Variants in C6orf58 observed in about 807,000 individuals in gnomAD.
C6orf58 encodes the protein chromosome 6 open reading frame 58.
A neutral mutation model predicts 37.0 loss-of-function variants in C6orf58; 30 were observed. That is an observed-to-expected ratio of 0.81 (90% CI 0.61 to 1.10). The LOEUF (loss-of-function observed/expected upper bound fraction) is 1.10. C6orf58 is among the 50% of genes least tolerant of loss of function. The pLI, the probability that C6orf58 is intolerant of heterozygous loss-of-function variation, is 0.00. For synonymous variants in C6orf58, 143 were observed against 134.1 expected (o/e 1.07, Z -0.46); for missense variants, 368 against 387.5 (o/e 0.95, Z 0.42).
chr6:127,591,439 A>G (rs1005407308), intron 5 of C6orf58, 104 bp from the exon 6 acceptor site: 4 of 1,025,848 alleles, frequency 3.9e-6, no homozygotes, highest in East Asian at 6.8e-5. Flanking sequence ...TTACCATTAA[A>G]TTAGTAGAAA....
intron 4 of C6orf58, among the ~76,000 whole-genome samples, chr6:127,586,377 G>A (rs564944974): frequency 1.3e-5 from 2 of 152,206 alleles, no homozygotes; most frequent in Non-Finnish European, 2.9e-5. Context: ...AGTCCTGCTA[G>A]CAGGTTTCCT....
intron 4 of C6orf58, among the ~76,000 whole-genome samples, chr6:127,588,275 T>A (rs559202064): frequency 8.0e-4 from 122 of 152,328 alleles, no homozygotes; most frequent in African/African-American, 2.8e-3. Context: ...AATATTGTAT[T>A]TTTTAAGTCA....
intron 4 of C6orf58, among the ~76,000 whole-genome samples, chr6:127,585,974 C>A (rs1047424150): frequency 6.6e-6 from 1 of 152,134 alleles, no homozygotes; most frequent in Admixed American, 6.5e-5. Flanking sequence ...ACCAAAAGCA[C>A]ATTTTACCTG....
chr6:127,591,488 G>A (rs1443750343), intron 5 of C6orf58, 55 bp from the exon 6 acceptor site: 2 of 1,428,402 alleles, frequency 1.4e-6, no homozygotes, highest in East Asian at 2.7e-5. Context: ...ATTGCCAAAA[G>A]GTACTTTAAA....
rs1392376436 is a variant in C6orf58 at position 127,577,455 on chromosome 6, G to T, written c.270G>T (p.Leu90Phe). The T allele has an allele frequency of 1.2e-6, 2 of 1,613,638 alleles. No individual in the cohort carries two copies. Among genetic ancestry groups the T allele is most frequent in the East Asian group, 4.5e-5 (2 of 44,880 alleles). ...ATGAACAGAATATTTTATGGGGGTTGCCTCTGCAGTATGGCTGGCAATATA... is the reference window on the plus strand; with the variant it reads ...ATGAACAGAATATTTTATGGGGGTTTCCTCTGCAGTATGGCTGGCAATATA... The part of the protein sequence containing the change: ...PDNEQNILWG[L>F]PLQYGWQYRT... The change falls in exon 1 of 6, where the codon TTG becomes TTT. Residue 90 changes from leucine to phenylalanine, a missense_variant. Physicochemically the swap from Leu to Phe is conservative, Grantham distance 22. Coordinates refer to ENST00000329722, the MANE Select transcript of C6orf58 (RefSeq NM_001010905.3).
intron 4 of C6orf58, among the ~76,000 whole-genome samples, chr6:127,582,710 C>A (rs1466149011): frequency 6.6e-6 from 1 of 152,150 alleles, no homozygotes; most frequent in Admixed American, 6.6e-5. Context: ...AGAATTCATA[C>A]CTGCTGGTAA....
At chr6:127,580,129 A>G (rs1322799805) in intron 2 of C6orf58, 136 bp from the exon 3 acceptor site, 1 of 597,982 alleles carries the variant, frequency 1.7e-6, no homozygotes, top group Non-Finnish European at 2.9e-6. Flanking sequence ...TTTTTGTTCA[A>G]TATTTTTTTC....
Position 127,591,360 on chromosome 6 carries a change from C to A in C6orf58, c.914-183C>A, listed in dbSNP as rs890146389. On this transcript the variant is annotated intron_variant, in intron 5 of 5. Coordinates refer to ENST00000329722, the MANE Select transcript of C6orf58 (RefSeq NM_001010905.3). ...AGTAAAGTTGGTAAGTCAGGTATTG[C>A]CAAATGGTATTGCCAATAATTCTAT... Among the ~76,000 whole-genome samples, 10 of 151,966 alleles carry A rather than the reference C, an allele frequency of 6.6e-5. No homozygotes were observed. In the East Asian group the frequency reaches 7.7e-4, roughly 12 times the overall value.
At chr6:127,578,662 G>T (rs747324112) in intron 1 of C6orf58, 24 bp from the exon 2 acceptor site, 1 of 1,560,452 alleles carries the variant, frequency 6.4e-7, no homozygotes. Context: ...TAATAAATAC[G>T]ACTGTGCATC....
At chr6:127,580,507 G>A (rs539796006) in intron 3 of C6orf58, 58 bp downstream of exon 3, 27 of 1,405,586 alleles carry the variant, frequency 1.9e-5, no homozygotes, top group Admixed American at 3.9e-5. Context: ...ATATAATTTC[G>A]TCTAGGATTT....
rs199904955 is a variant in C6orf58, at chr6:127,581,240, A to C, written c.632A>C (p.His211Pro). The C allele has an allele frequency of 6.5e-7, 1 of 1,539,810 alleles. No homozygotes were observed. Among genetic ancestry groups the C allele is most frequent in the Non-Finnish European group, 8.8e-7 (1 of 1,139,398 alleles). The change falls in exon 4 of 6, where the codon CAC becomes CCC. Residue 211 changes from histidine to proline, a missense_variant. By Grantham distance (77) the His-to-Pro change is moderately conservative. Coordinates refer to ENST00000329722, the MANE Select transcript of C6orf58 (RefSeq NM_001010905.3). ...DDLLKYLWAA[H>P]TSTLADNIKS... ...CTGTTGAAGTACTTATGGGCTGCAC[A>C]CACTTCAACCTTGGCAGATAATATC...
chr6:127,587,069 C>T (rs924672154), intron 4 of C6orf58, among the ~76,000 whole-genome samples: 1 of 152,134 alleles, frequency 6.6e-6, no homozygotes. Flanking sequence ...CTATTTTCCT[C>T]TCTGTTTACT....
Position 127,580,366 on chromosome 6 carries a change from A to G in C6orf58, c.490A>G (p.Asn164Asp), listed in dbSNP as rs1280293153. The change falls in exon 3 of 6, where the codon AAT (asparagine) becomes GAT (aspartate). Residue 164 changes from asparagine (N) to aspartate (D), a missense_variant. Physicochemically the swap from Asn to Asp is conservative, Grantham distance 23. Transcript: ENST00000329722. ...AGTCAGGCTTTTGCCCCCACCCAAG[A>G]ATGAGAGGAAGTTTTGTTATGATGT... ...DQVRLLPPPK[N>D]ERKFCYDVSS... 1 of 1,613,082 alleles carries G rather than the reference A, an allele frequency of 6.2e-7. No individual in the cohort carries two copies. Among genetic ancestry groups the G allele is most frequent in the South Asian group, 1.1e-5 (1 of 91,032 alleles).
At chr6:127,586,670 A>G (rs1270882012) in intron 4 of C6orf58, among the ~76,000 whole-genome samples, 2 of 151,008 alleles carry the variant, frequency 1.3e-5, no homozygotes, top group Non-Finnish European at 3.0e-5. Flanking sequence ...TCTTGAGCTC[A>G]CCCAGTTTCC....
intron 1 of C6orf58, among the ~76,000 whole-genome samples, chr6:127,578,062 G>C (rs1775008827): frequency 6.6e-6 from 1 of 152,192 alleles, no homozygotes; most frequent in Admixed American, 6.6e-5. Context: ...ATGAGAAAGA[G>C]TGGTGCCTGT....
intron 4 of C6orf58, among the ~76,000 whole-genome samples, chr6:127,586,780 G>T (rs1394793677): frequency 1.3e-5 from 2 of 152,192 alleles, no homozygotes; most frequent in African/African-American, 2.4e-5. Flanking sequence ...GAGTGTCTTT[G>T]CATTCAGTAT....
chr6:127,578,869 C>T, intron 2 of C6orf58, 97 bp downstream of exon 2: 1 of 869,482 alleles, frequency 1.2e-6, no homozygotes, highest in South Asian at 1.6e-5. Context: ...TAAAATAATC[C>T]TGTTCCTATT....
intron 4 of C6orf58, among the ~76,000 whole-genome samples, chr6:127,589,721 T>C (rs553296035): frequency 5.3e-5 from 8 of 152,312 alleles, no homozygotes; most frequent in African/African-American, 1.9e-4. Context: ...GATATTTGAG[T>C]CTAGCAAAAA....
Position 127,581,243 on chromosome 6 carries a change from C to T in C6orf58, c.635C>T (p.Thr212Ile). ...DLLKYLWAAH[T>I]STLADNIKSF... The stretch of plus-strand genomic sequence containing the variant: ...TTGAAGTACTTATGGGCTGCACACA[C>T]TTCAACCTTGGCAGATAATATCAAA... Residue 212 changes from threonine to isoleucine, a missense_variant, in exon 4 of 6, where the codon ACT (threonine) becomes ATT (isoleucine). Thr to Ile is a moderately conservative substitution (Grantham distance 89, BLOSUM62 -1). Coordinates refer to ENST00000329722, the MANE Select transcript of C6orf58 (RefSeq NM_001010905.3). 6.5e-7 allele frequency: 1 copy of T among 1,533,938 alleles called. No homozygotes were observed. Among genetic ancestry groups the T allele is most frequent in the Non-Finnish European group, 8.8e-7 (1 of 1,136,016 alleles).
Sources: gnomAD v4.1 joint callset for allele counts (sites outside exome capture counted in the v4.1 genomes callset) on GRCh38, gnomAD v4.1.1 for gene constraint, MANE v1.5 for transcripts, NCBI Gene and HGNC (gene_info 2026-07-23, HGNC 2026-07-21) for gene names.